TRIML2: variants seen among roughly 807,000 people sequenced by gnomAD.
TRIML2 encodes probable E3 ubiquitin-protein ligase TRIML2.
In TRIML2, 28 loss-of-function variants were observed where a neutral mutation model predicts 31.2. The ratio of observed to expected loss-of-function variants is 0.90; its 90% CI spans 0.66 to 1.23. TRIML2 has a LOEUF of 1.23. Ranked by LOEUF, TRIML2 falls within the 50% of genes most tolerant of loss-of-function variation. TRIML2 has a pLI of 0.00. For synonymous variants in TRIML2, 187 were observed against 197.5 expected (o/e 0.95, Z 0.45); for missense variants, 536 against 528.3 (o/e 1.01, Z -0.14).
Position 188,105,285 on chromosome 4 carries a change from C to A in TRIML2, c.84G>T (p.Leu28=). ...YCETHLEPTR[L]FCDVDQITLC... ...GTGTGATTTGGTCAACATCACAGAA[C>A]AGCCGTGTTGGTTCCAGGTGTGTTT... Residue 28 remains leucine (L), a synonymous_variant, in exon 2 of 8, where the codon CTG becomes CTT. Transcript: ENST00000682553. The A allele has an allele frequency of 6.2e-7, 1 of 1,612,652 alleles. No individual in the cohort carries two copies. Among genetic ancestry groups the A allele is most frequent in the Non-Finnish European group, 8.5e-7 (1 of 1,178,786 alleles).
chr4:188,101,209 A>G lies in TRIML2; in HGVS notation c.327T>C (p.Tyr109=), dbSNP rs1484353217. Residue 109 remains tyrosine (Y), a synonymous_variant, in exon 4 of 8, where the codon TAT becomes TAC. Coordinates refer to ENST00000682553, the MANE Select transcript of TRIML2 (RefSeq NM_173553.4). ...CATTCAACAACCGGAGTCTCATACT[A>G]TACTCAGACTCAATCATCTTTTTAA... ...QNFKKMIESE[Y]SMRLRLLNEE... The G allele has an allele frequency of 1.2e-6, 2 of 1,613,232 alleles. No homozygotes were observed. Among genetic ancestry groups the G allele is most frequent in the Admixed American group, 3.3e-5 (2 of 59,854 alleles).
intron 3 of TRIML2, among the ~76,000 whole-genome samples, chr4:188,101,973 A>G (rs534052256): frequency 5.8e-4 from 88 of 151,436 alleles, no homozygotes; most frequent in African/African-American, 2.1e-3. Flanking sequence ...TACTAAAAAT[A>G]CAAAAAATTA....
chr4:188,101,902 A>G lies in TRIML2; in HGVS notation c.286-652T>C, dbSNP rs560535756. Among the ~76,000 whole-genome samples, 680 of 151,368 alleles carry G rather than the reference A, an allele frequency of 4.5e-3. 4 individuals carry two copies. Among genetic ancestry groups the G allele is most frequent in the African/African-American group, 0.016 (642 of 41,326 alleles). On this transcript the variant is annotated intron_variant, in intron 3 of 7. Transcript: ENST00000682553. ...TCCCAGCACTTTGGGAGGCCGAGGC[A>G]GGCGGATCACGAGGTCAGGAGATCG... is the stretch of plus-strand genomic sequence containing the variant.
At chr4:188,107,294 G>C (rs6553151) in intron 1 of TRIML2, among the ~76,000 whole-genome samples, 1 of 151,992 alleles carries the variant, frequency 6.6e-6, no homozygotes, top group African/African-American at 2.4e-5. Context: ...TTACAGGTGT[G>C]ACCCACCGTG....
At chr4:188,104,745 T>C in intron 3 of TRIML2, 92 bp downstream of exon 3, 3 of 1,060,666 alleles carry the variant, frequency 2.8e-6, no homozygotes, top group South Asian at 1.3e-5. Flanking sequence ...TCCTGCTTTG[T>C]GATTTGTCTT....
chr4:188,103,161 T>C (rs1432627029), intron 3 of TRIML2, among the ~76,000 whole-genome samples: 3 of 151,806 alleles, frequency 2.0e-5, no homozygotes, highest in African/African-American at 7.2e-5. Context: ...TACAGGCACC[T>C]GCCACCACAC....
chr4:188,091,607 C>A lies in TRIML2; in HGVS notation c.1080G>T (p.Arg360Ser), dbSNP rs1733257497. 6.2e-7 allele frequency: 1 copy of A among 1,614,128 alleles called. No individual in the cohort carries two copies. Among genetic ancestry groups the A allele is most frequent in the East Asian group, 2.2e-5 (1 of 44,872 alleles). ...TGTCCAACTTCTTTTCCAGGAAGAG[C>A]CTTTTCAGAGGGGGGAAGACCCAGA... ...WTLWVFPPLK[R>S]LFLEKKLDTV... The change falls in exon 8 of 8, where the codon AGG (arginine) becomes AGT (serine). Residue 360 changes from arginine (R) to serine (S), a missense_variant. By Grantham distance (110) the Arg-to-Ser change is moderately radical (BLOSUM62 -1). Transcript: ENST00000682553.
rs765084218 is a variant in TRIML2 at position 188,101,171 on chromosome 4, T to C, written c.365A>G (p.Gln122Arg). 6.2e-7 allele frequency: 1 copy of C among 1,613,874 alleles called. No individual in the cohort carries two copies. The highest frequency in any genetic ancestry group is 1.1e-5 in the South Asian group (1 of 91,076). The change falls in exon 4 of 8, where the codon CAG becomes CGG. Residue 122 changes from glutamine (Q) to arginine (R), a missense_variant. Transcript: ENST00000682553. Reference sequence around the variant, plus strand: ...GCATTCCTGCTGTCTCTGGAGATTCTGCTCACACTCTTCATTCAACAACCG... The same window carrying C: ...GCATTCCTGCTGTCTCTGGAGATTCCGCTCACACTCTTCATTCAACAACCG... ...RLRLLNEECE[Q>R]NLQRQQECIS...
At position 188,097,068 on chromosome 4, in the gene TRIML2, T is replaced by C; in HGVS notation, c.738A>G (p.Val246=). 6.2e-7 allele frequency: 1 copy of C among 1,610,342 alleles called. No homozygotes were observed. The highest frequency in any genetic ancestry group is 8.5e-7 in the Non-Finnish European group (1 of 1,176,638). The stretch of plus-strand genomic sequence containing the variant: ...TCACATGTGTCAACTTACTCTGGAG[T>C]ACTCTGAACATGCTGCTGAGTCCTC... ...HIRGLSSMFR[V]LQRHLTLDPE... The change falls in exon 7 of 8, where the codon GTA becomes GTG. Residue 246 remains valine (V), a synonymous_variant. Coordinates refer to ENST00000682553, the MANE Select transcript of TRIML2 (RefSeq NM_173553.4).
At chr4:188,095,640 TC>T (rs563142631) in intron 7 of TRIML2, among the ~76,000 whole-genome samples, 132 of 152,290 alleles carry the variant, frequency 8.7e-4, no homozygotes, top group African/African-American at 2.9e-3. Flanking sequence ...ACTGAATCTT[TC>T]GCACGTTATT....
In TRIML2 at chr4:188,094,671, G is replaced by T. The variant is rs181718962; in HGVS notation, c.745+2390C>A. On this transcript the variant is annotated intron_variant, in intron 7 of 7. Coordinates refer to ENST00000682553, the MANE Select transcript of TRIML2 (RefSeq NM_173553.4). Reference sequence around the variant, plus strand: ...TGGAGATATTTTGTATTCCTGGACTGAAAGCACCAAATATTGTCAAGATGT... The same window carrying T: ...TGGAGATATTTTGTATTCCTGGACTTAAAGCACCAAATATTGTCAAGATGT... Among the ~76,000 whole-genome samples the T allele has an allele frequency of 2.2e-3, 332 of 152,264 alleles. 1 individual carries two copies. The highest frequency in any genetic ancestry group is 7.7e-3 in the African/African-American group (318 of 41,554).
intron 1 of TRIML2, among the ~76,000 whole-genome samples, chr4:188,108,196 T>C (rs541821776): frequency 3.3e-5 from 5 of 152,266 alleles, no homozygotes; most frequent in African/African-American, 9.6e-5. Context: ...AGTTCTGGTC[T>C]CCCAGTCCTG....
chr4:188,096,018 T>C (rs1201011366), intron 7 of TRIML2, among the ~76,000 whole-genome samples: 1 of 152,208 alleles, frequency 6.6e-6, no homozygotes, highest in Non-Finnish European at 1.5e-5. Flanking sequence ...AACCCTTTGT[T>C]ATACATGCTG....
Position 188,091,348 on chromosome 4 carries a change from G to C in TRIML2, c.*25C>G. On this transcript the variant is annotated 3_prime_UTR_variant, in exon 8 of 8. Transcript: ENST00000682553. Reference sequence around the variant, plus strand: ...GTTCTCCAACTTTCTGGTGTCTCGTGGTCTTGGATTTTACACACAGAAGAT... The same window carrying C: ...GTTCTCCAACTTTCTGGTGTCTCGTCGTCTTGGATTTTACACACAGAAGAT... 6.3e-7 allele frequency: 1 copy of C among 1,586,628 alleles called. No individual in the cohort carries two copies. The highest frequency in any genetic ancestry group is 8.6e-7 in the Non-Finnish European group (1 of 1,162,362).
At chr4:188,105,956 A>G (rs1200605027) in intron 1 of TRIML2, 1 of 152,332 alleles carries the variant, frequency 6.6e-6, no homozygotes, top group Non-Finnish European at 1.5e-5. Flanking sequence ...GGCTCCAGCG[A>G]TCCTCCCACC....
At chr4:188,103,877 T>C (rs1560954903) in intron 3 of TRIML2, among the ~76,000 whole-genome samples, 1 of 152,056 alleles carries the variant, frequency 6.6e-6, no homozygotes, top group Non-Finnish European at 1.5e-5. Context: ...GGGGGATCGG[T>C]TGAAAAATCC....
chr4:188,093,613 G>A (rs562165163), intron 7 of TRIML2, among the ~76,000 whole-genome samples: 5 of 152,244 alleles, frequency 3.3e-5, no homozygotes, highest in African/African-American at 1.2e-4. Context: ...AGTGAGCCGA[G>A]ATCATGCCAC....
At chr4:188,100,545 AC>A (rs1182795068) in intron 4 of TRIML2, among the ~76,000 whole-genome samples, 1 of 151,842 alleles carries the variant, frequency 6.6e-6, no homozygotes, top group Non-Finnish European at 1.5e-5. Context: ...ACACGGTGAA[AC>A]CCCGTCTCTA....
At chr4:188,109,202 C>T (rs1734146066) in intron 1 of TRIML2, 41 bp downstream of exon 1, 2 of 145,326 alleles carry the variant, frequency 1.4e-5, no homozygotes, top group African/African-American at 5.1e-5. Context: ...TCTAAAGAAA[C>T]AATTATTAAG....
Sources: gnomAD v4.1 joint callset for allele counts (sites outside exome capture counted in the v4.1 genomes callset) on GRCh38, gnomAD v4.1.1 for gene constraint, MANE v1.5 for transcripts, NCBI Gene and HGNC (gene_info 2026-07-23, HGNC 2026-07-21) for gene names.